ME3: variants seen among roughly 807,000 people sequenced by gnomAD.
The protein encoded by ME3 is NADP-dependent malic enzyme, mitochondrial.
In ME3, 48 loss-of-function variants were observed where a neutral mutation model predicts 68.9. The observed-to-expected ratio is 0.70, with a 90% confidence interval of 0.55 to 0.89. The LOEUF is 0.89. ME3 is among the 40% of genes least tolerant of loss of function. ME3 has a pLI of 0.00. For synonymous variants in ME3, 320 were observed against 318.8 expected (o/e 1.00, Z -0.04); for missense variants, 675 against 797.4 (o/e 0.85, Z 1.85).
intron 4 of ME3, among the ~76,000 whole-genome samples, chr11:86,510,792 T>G (rs908432018): frequency 2.6e-5 from 4 of 152,224 alleles, no homozygotes; most frequent in Non-Finnish European, 1.5e-5. Flanking sequence ...TTTATTTAAC[T>G]GCCTACCTGA....
intron 5 of ME3, among the ~76,000 whole-genome samples, chr11:86,499,021 G>A (rs1338344203): frequency 6.6e-6 from 1 of 152,070 alleles, no homozygotes; most frequent in Non-Finnish European, 1.5e-5. Flanking sequence ...GAGGGAAGCT[G>A]GACTGCAGCA....
At chr11:86,525,330 T>C (rs775610815) in intron 4 of ME3, among the ~76,000 whole-genome samples, 1 of 152,134 alleles carries the variant, frequency 6.6e-6, no homozygotes, top group Non-Finnish European at 1.5e-5. Context: ...ACAGAAACTT[T>C]TGATGTTGAC....
chr11:86,515,197 G>A (rs1953807800), intron 4 of ME3, among the ~76,000 whole-genome samples: 2 of 152,180 alleles, frequency 1.3e-5, no homozygotes, highest in Admixed American at 6.5e-5. Flanking sequence ...CTAATATTCA[G>A]TGAGAAAGAG....
At chr11:86,595,292 C>CATATATATATATATAT (rs775768095) in intron 2 of ME3, among the ~76,000 whole-genome samples, 1 of 124,248 alleles carries the variant, frequency 8.0e-6, no homozygotes, top group African/African-American at 3.1e-5. Flanking sequence ...TATACATATA[C>CATATATATATATATAT]ATATATATAT....
At chr11:86,575,933 T>G (rs1958079301) in intron 2 of ME3, among the ~76,000 whole-genome samples, 1 of 152,190 alleles carries the variant, frequency 6.6e-6, no homozygotes, top group South Asian at 2.1e-4. Flanking sequence ...AAATTGTGAA[T>G]AAGAGCTGGG....
intron 5 of ME3, among the ~76,000 whole-genome samples, chr11:86,504,717 CAG>C (rs1210342458): frequency 4.0e-5 from 6 of 151,844 alleles, no homozygotes; most frequent in South Asian, 4.2e-4. Context: ...GTTTTTGAGA[CAG>C]AGTCTTGCTC....
intron 7 of ME3, among the ~76,000 whole-genome samples, chr11:86,476,485 A>G (rs868183028): frequency 4.5e-4 from 69 of 152,306 alleles, no homozygotes; most frequent in African/African-American, 1.6e-3. Context: ...CTCTTGGGCA[A>G]GCTTCTGTTT....
intron 2 of ME3, among the ~76,000 whole-genome samples, chr11:86,671,164 T>C (rs1374079180): frequency 6.6e-6 from 1 of 152,138 alleles, no homozygotes; most frequent in African/African-American, 2.4e-5. Flanking sequence ...CTTTGTCTTG[T>C]TTTTTGTAAA....
chr11:86,454,224 C>G (rs1000464986), intron 8 of ME3, among the ~76,000 whole-genome samples: 1 of 152,184 alleles, frequency 6.6e-6, no homozygotes, highest in Non-Finnish European at 1.5e-5. Flanking sequence ...TTTTAAAGTG[C>G]TACAATCTTT....
chr11:86,515,180 G>A (rs977776254), intron 4 of ME3, among the ~76,000 whole-genome samples: 2 of 152,110 alleles, frequency 1.3e-5, no homozygotes, highest in African/African-American at 4.8e-5. Flanking sequence ...CATGTTCCCC[G>A]CAAAAGCTAA....
intron 5 of ME3, among the ~76,000 whole-genome samples, chr11:86,499,608 A>G (rs1007502814): frequency 2.6e-5 from 4 of 152,210 alleles, no homozygotes; most frequent in African/African-American, 7.2e-5. Flanking sequence ...TCTCACTTCC[A>G]TTCTTTCTCT....
intron 7 of ME3, among the ~76,000 whole-genome samples, chr11:86,465,881 C>A (rs974968966): frequency 1.3e-5 from 2 of 152,162 alleles, no homozygotes; most frequent in African/African-American, 4.8e-5. Flanking sequence ...CAGAGTCTCA[C>A]TCGGAGTGTG....
intron 3 of ME3, among the ~76,000 whole-genome samples, chr11:86,559,140 C>T (rs545634176): frequency 7.2e-5 from 11 of 152,282 alleles, no homozygotes; most frequent in Non-Finnish European, 1.2e-4. Context: ...ATGTCTGGAT[C>T]CCCATTGGAG....
At chr11:86,599,114 G>A (rs1342738524) in intron 2 of ME3, among the ~76,000 whole-genome samples, 4 of 152,350 alleles carry the variant, frequency 2.6e-5, no homozygotes, top group Non-Finnish European at 4.4e-5. Context: ...TGACTTTGAC[G>A]AGTTGAGAGA....
Position 86,531,961 on chromosome 11 carries a change from A to C in ME3, c.468-23094T>G, listed in dbSNP as rs986515481. Reference sequence around the variant, plus strand: ...CTGCACATTGTGCACATGTACCCTAAAACTTAAAGTATAATTAAAAAAAAC... The same window carrying C: ...CTGCACATTGTGCACATGTACCCTACAACTTAAAGTATAATTAAAAAAAAC... On this transcript the variant is annotated intron_variant, in intron 4 of 14. Transcript: ENST00000543262. Among the ~76,000 whole-genome samples the C allele has an allele frequency of 3.4e-5, 5 of 146,594 alleles. No individual in the cohort carries two copies. In the Admixed American group the frequency reaches 3.5e-4, roughly 10 times the overall value.
At chr11:86,504,878 A>G (rs1952966371) in intron 5 of ME3, among the ~76,000 whole-genome samples, 1 of 151,400 alleles carries the variant, frequency 6.6e-6, no homozygotes. Context: ...TTTAGTAGAG[A>G]TGAGGTTTCA....
chr11:86,554,734 A>C (rs1181278498), intron 4 of ME3, among the ~76,000 whole-genome samples: 3 of 152,224 alleles, frequency 2.0e-5, no homozygotes, highest in Non-Finnish European at 1.5e-5. Flanking sequence ...TTCGGGGCTG[A>C]TTGCAAAGAA....
intron 7 of ME3, among the ~76,000 whole-genome samples, chr11:86,475,874 T>TATATATAG: frequency 5.2e-4 from 48 of 91,452 alleles, no homozygotes; most frequent in African/African-American, 1.7e-3. Flanking sequence ...TATATATATA[T>TATATATAG]AGAGAGAGAG....
chr11:86,540,323 G>A (rs933035849), intron 4 of ME3, among the ~76,000 whole-genome samples: 2 of 152,222 alleles, frequency 1.3e-5, no homozygotes, highest in African/African-American at 4.8e-5. Flanking sequence ...CACTGGAACA[G>A]TGGTTCTCCT....
Sources: gnomAD v4.1 joint callset for allele counts (sites outside exome capture counted in the v4.1 genomes callset) on GRCh38, gnomAD v4.1.1 for gene constraint, MANE v1.5 for transcripts, NCBI Gene and HGNC (gene_info 2026-07-23, HGNC 2026-07-21) for gene names.